RASA1: variants seen among roughly 807,000 people sequenced by gnomAD.
The protein encoded by RASA1 is ras GTPase-activating protein 1.
Under a neutral mutation model 132.2 loss-of-function variants are expected in RASA1, and 25 were observed. The ratio of observed to expected loss-of-function variants is 0.19; its 90% CI spans 0.14 to 0.26. RASA1 has a LOEUF of 0.26. Among genes scored for constraint, RASA1 ranks in the 10% least tolerant of loss-of-function variants. The pLI is 1.00. For synonymous variants in RASA1, 477 were observed against 449.9 expected (o/e 1.06, Z -0.76); for missense variants, 964 against 1,299.2 (o/e 0.74, Z 3.97).
At chr5:87,270,715 C>T (rs1753794829) in intron 1 of RASA1, among the ~76,000 whole-genome samples, 1 of 109,810 alleles carries the variant, frequency 9.1e-6, no homozygotes, top group African/African-American at 3.5e-5. Context: ...TTAGAAAGTT[C>T]TGAAACTAAT....
chr5:87,373,285 T>C (rs1761082577), intron 13 of RASA1, among the ~76,000 whole-genome samples: 1 of 152,146 alleles, frequency 6.6e-6, no homozygotes, highest in Non-Finnish European at 1.5e-5. Flanking sequence ...ATAACAACTA[T>C]GTACATAGCA....
intron 9 of RASA1, among the ~76,000 whole-genome samples, chr5:87,355,268 G>A (rs754415960): frequency 1.3e-5 from 2 of 152,110 alleles, no homozygotes; most frequent in Non-Finnish European, 2.9e-5. Flanking sequence ...AGCTTCAAAG[G>A]TCAGGCTGAC....
At chr5:87,316,311 T>C (rs1233977084) in intron 1 of RASA1, among the ~76,000 whole-genome samples, 1 of 152,170 alleles carries the variant, frequency 6.6e-6, no homozygotes, top group African/African-American at 2.4e-5. Context: ...GCCAGTTGGT[T>C]TCAGAATGCA....
intron 8 of RASA1, among the ~76,000 whole-genome samples, chr5:87,350,788 A>C (rs1279201423): frequency 6.6e-6 from 1 of 151,470 alleles, no homozygotes; most frequent in African/African-American, 2.4e-5. Flanking sequence ...TGATTTTTAT[A>C]ATTTTTCTTC....
At chr5:87,269,524 T>G (rs906823901) in intron 1 of RASA1, among the ~76,000 whole-genome samples, 1 of 152,212 alleles carries the variant, frequency 6.6e-6, no homozygotes, top group African/African-American at 2.4e-5. Flanking sequence ...TTGGGTCACT[T>G]AATGAGAACT....
At chr5:87,293,771 T>A (rs919580078) in intron 1 of RASA1, among the ~76,000 whole-genome samples, 7 of 152,116 alleles carry the variant, frequency 4.6e-5, no homozygotes, top group South Asian at 4.1e-4. Flanking sequence ...TATTCAAGAT[T>A]TTTTTTTCTA....
chr5:87,316,178 G>A (rs1003092457), intron 1 of RASA1, among the ~76,000 whole-genome samples: 1 of 152,128 alleles, frequency 6.6e-6, no homozygotes, highest in African/African-American at 2.4e-5. Context: ...CAAATATGAC[G>A]AATGGTTAGC....
chr5:87,384,117 C>A (rs1761912162), intron 21 of RASA1, among the ~76,000 whole-genome samples: 1 of 152,012 alleles, frequency 6.6e-6, no homozygotes, highest in African/African-American at 2.4e-5. Flanking sequence ...CTTTGCTTAG[C>A]CCATTGCTAG....
chr5:87,391,426 A>G lies in RASA1; in HGVS notation c.*543A>G, dbSNP rs183575968. ...TTATAATAGGAACAATCTTTGCTGT[A>G]TACTTTTAAAAAATACTCTGCTATT... On this transcript the variant is annotated 3_prime_UTR_variant, in exon 25 of 25. Coordinates refer to ENST00000274376, the MANE Select transcript of RASA1 (RefSeq NM_002890.3). 6.9e-5 allele frequency: 17 copies of G among 244,634 alleles called. No individual in the cohort carries two copies. In the East Asian group the frequency reaches 9.3e-4, roughly 13 times the overall value. 15.2% of individuals were successfully genotyped at this position (244,634 alleles called of 1,614,324 possible). A position where few individuals can be genotyped will look rare whatever the true frequency, so the allele number is the denominator to read the frequency against.
In RASA1 at chr5:87,267,958, C is replaced by CCA. The variant is rs1554038673; in HGVS notation, c.-494_-493insCA. The CCA allele has an allele frequency of 3.0e-5, 12 of 398,894 alleles. No homozygotes were observed. The highest frequency in any genetic ancestry group is 1.3e-4 in the South Asian group (1 of 7,862). The allele number at this position is 398,894 out of a possible 1,614,324, so 24.7% of individuals were successfully genotyped here. The stretch of plus-strand genomic sequence containing the variant: ...CCCGCCCCCCTTTCTCTTGCCCCCC[C>CCA]ACCCCTCTCATCTGCCTGGTGGAGG... On this transcript the variant is annotated 5_prime_UTR_variant, in exon 1 of 25. Coordinates refer to ENST00000274376, the MANE Select transcript of RASA1 (RefSeq NM_002890.3).
intron 9 of RASA1, among the ~76,000 whole-genome samples, chr5:87,361,150 A>C (rs1173532382): frequency 6.6e-6 from 1 of 152,200 alleles, no homozygotes; most frequent in Non-Finnish European, 1.5e-5. Context: ...TGTCCACTAA[A>C]GTCTGTCTTT....
chr5:87,286,933 TATATATACACCATATATATACATACC>T (rs1295791940), intron 1 of RASA1, among the ~76,000 whole-genome samples: 1 of 145,456 alleles, frequency 6.9e-6, no homozygotes, highest in Non-Finnish European at 1.5e-5. Flanking sequence ...ATACATACCA[TATATATACACCATATATATACATACC>T]ATATATACAC....
At chr5:87,334,506 A>T (rs1757824972) in intron 4 of RASA1, among the ~76,000 whole-genome samples, 1 of 152,216 alleles carries the variant, frequency 6.6e-6, no homozygotes, top group African/African-American at 2.4e-5. Context: ...AGCCAAGTTG[A>T]CACATAAAAT....
chr5:87,313,354 A>G (rs1228952171), intron 1 of RASA1, among the ~76,000 whole-genome samples: 2 of 152,200 alleles, frequency 1.3e-5, no homozygotes, highest in Non-Finnish European at 2.9e-5. Context: ...TAGGAGGACA[A>G]TGCAAATAGT....
intron 17 of RASA1, 122 bp from the exon 18 acceptor site, chr5:87,378,274 C>T: frequency 8.9e-7 from 1 of 1,122,524 alleles, no homozygotes; most frequent in Non-Finnish European, 1.3e-6. Flanking sequence ...TTCAACGCTG[C>T]ACGCAAAAAG....
At chr5:87,352,979 T>C (rs1432462625) in intron 8 of RASA1, among the ~76,000 whole-genome samples, 178 bp from the exon 9 acceptor site, 4 of 152,020 alleles carry the variant, frequency 2.6e-5, no homozygotes, top group Admixed American at 6.6e-5. Context: ...ATTGAGAACA[T>C]TGTTTTTTCT....
chr5:87,308,466 T>C (rs866091679), intron 1 of RASA1, among the ~76,000 whole-genome samples: 1 of 152,094 alleles, frequency 6.6e-6, no homozygotes, highest in African/African-American at 2.4e-5. Context: ...CAGTTCTTGA[T>C]TGGAGATTAT....
chr5:87,363,570 A>G, intron 11 of RASA1, 66 bp downstream of exon 11: 1 of 1,542,776 alleles, frequency 6.5e-7, no homozygotes, highest in Non-Finnish European at 8.9e-7. Context: ...CAAACAAAGC[A>G]AACCAATTTT....
chr5:87,291,629 G>A (rs1754913895), intron 1 of RASA1, among the ~76,000 whole-genome samples: 1 of 152,198 alleles, frequency 6.6e-6, no homozygotes, highest in Non-Finnish European at 1.5e-5. Flanking sequence ...ATCCCTCATG[G>A]CTTGCTGCCA....
Sources: gnomAD v4.1 joint callset for allele counts (sites outside exome capture counted in the v4.1 genomes callset) on GRCh38, gnomAD v4.1.1 for gene constraint, MANE v1.5 for transcripts, NCBI Gene and HGNC (gene_info 2026-07-23, HGNC 2026-07-21) for gene names.